CLEC2A: variants seen among roughly 807,000 people sequenced by gnomAD.
CLEC2A encodes keratinocyte-associated C-type lectin.
Under a neutral mutation model 18.6 loss-of-function variants are expected in CLEC2A, and 19 were observed. The observed-to-expected ratio is 1.02, with a 90% CI of 0.71 to 1.50. CLEC2A has a LOEUF of 1.50. Among genes scored for constraint, CLEC2A ranks in the 40% most tolerant of loss-of-function variants. CLEC2A has a pLI of 0.00. For synonymous variants in CLEC2A, 74 were observed against 64.0 expected (o/e 1.16, Z -0.75); for missense variants, 190 against 207.9 (o/e 0.91, Z 0.53).
chr12:9,921,378 C>T (rs1863170295), intron 3 of CLEC2A, among the ~76,000 whole-genome samples: 1 of 152,074 alleles, frequency 6.6e-6, no homozygotes, highest in Non-Finnish European at 1.5e-5. Context: ...TGCTTGATCT[C>T]AGTTTGAGAC....
intron 2 of CLEC2A, among the ~76,000 whole-genome samples, chr12:9,924,106 T>TA (rs1375468844): frequency 2.0e-5 from 3 of 151,858 alleles, no homozygotes; most frequent in Non-Finnish European, 2.9e-5. Flanking sequence ...CCCTAGAACT[T>TA]AAAGTATAAT....
At chr12:9,925,668 T>C (rs1863257888) in intron 2 of CLEC2A, among the ~76,000 whole-genome samples, 1 of 151,984 alleles carries the variant, frequency 6.6e-6, no homozygotes, top group Non-Finnish European at 1.5e-5. Flanking sequence ...TTTTTTTTTA[T>C]AAATATAGAA....
intron 1 of CLEC2A, among the ~76,000 whole-genome samples, chr12:9,927,867 C>A (rs1863302383): frequency 6.7e-6 from 1 of 148,636 alleles, no homozygotes; most frequent in Non-Finnish European, 1.5e-5. Flanking sequence ...AAATGAAGAA[C>A]AAGGAAGAAG....
downstream of CLEC2A, among the ~76,000 whole-genome samples, chr12:9,912,101 G>C (rs576023639): frequency 6.6e-6 from 1 of 152,256 alleles, no homozygotes; most frequent in South Asian, 2.1e-4. Flanking sequence ...AAAATGTAAA[G>C]GTTAACTGCT....
chr12:9,881,763 A>G, the CLEC2A span: 1 of 853,696 alleles, frequency 1.2e-6, no homozygotes, highest in Non-Finnish European at 1.8e-6. Context: ...CATTGATCAT[A>G]ATAAGGAATA....
At chr12:9,915,127 A>C (rs1327609610) in intron 4 of CLEC2A, among the ~76,000 whole-genome samples, 1 of 152,216 alleles carries the variant, frequency 6.6e-6, no homozygotes, top group Non-Finnish European at 1.5e-5. Flanking sequence ...ATCTTTAGAG[A>C]AATGCAAATC....
chr12:9,920,193 T>C (rs1285596092), intron 3 of CLEC2A, among the ~76,000 whole-genome samples: 1 of 152,214 alleles, frequency 6.6e-6, no homozygotes, highest in Non-Finnish European at 1.5e-5. Flanking sequence ...AGAATGTCGC[T>C]GCTCAGCCTC....
chr12:9,891,877 G>T, the CLEC2A span, among the ~76,000 whole-genome samples: 2 of 151,836 alleles, frequency 1.3e-5, no homozygotes, highest in Admixed American at 6.6e-5. Context: ...TAAAATTTTA[G>T]GGTCATAGTT....
chr12:9,932,195 A>T, intron 1 of CLEC2A, 80 bp downstream of exon 1: 1 of 1,024,720 alleles, frequency 9.8e-7, no homozygotes, highest in Non-Finnish European at 1.5e-6. Context: ...ACAGTAAGTA[A>T]AGAGTCCATA....
At chr12:9,887,952 A>C in the CLEC2A span, among the ~76,000 whole-genome samples, 1 of 151,218 alleles carries the variant, frequency 6.6e-6, no homozygotes, top group Admixed American at 6.6e-5. Flanking sequence ...ACTACTTGGG[A>C]AGCTGAGGCA....
intron 2 of CLEC2A, 24 bp from the exon 3 acceptor site, chr12:9,922,256 T>A: frequency 6.6e-7 from 1 of 1,508,814 alleles, no homozygotes; most frequent in Non-Finnish European, 8.9e-7. Context: ...AAAGAAATGA[T>A]CAGATAAAGC....
At chr12:9,884,739 T>G in the CLEC2A span, among the ~76,000 whole-genome samples, 1 of 151,258 alleles carries the variant, frequency 6.6e-6, no homozygotes, top group South Asian at 2.1e-4. Context: ...TCTATGTCAG[T>G]ACAATCCAAA....
downstream of CLEC2A, among the ~76,000 whole-genome samples, chr12:9,910,717 T>C (rs1278970457): frequency 2.0e-5 from 3 of 149,288 alleles, no homozygotes; most frequent in African/African-American, 7.7e-5. Flanking sequence ...AGTTACCTGG[T>C]TGCCGTGGTA....
the CLEC2A span, among the ~76,000 whole-genome samples, chr12:9,891,482 C>G: frequency 5.9e-5 from 9 of 152,122 alleles, no homozygotes; most frequent in African/African-American, 2.2e-4. Context: ...ACTTCATTGA[C>G]CAGTCTGTCA....
chr12:9,918,117 C>T (rs1299220995), intron 3 of CLEC2A, among the ~76,000 whole-genome samples: 1 of 151,976 alleles, frequency 6.6e-6, no homozygotes. Context: ...TAATATTTGT[C>T]AATTTTTGCA....
downstream of CLEC2A, chr12:9,895,931 C>G: frequency 5.1e-6 from 6 of 1,168,016 alleles, no homozygotes; most frequent in Non-Finnish European, 6.8e-6. Context: ...AAAGTTTCTG[C>G]TAACAGACAT....
intron 1 of CLEC2A, among the ~76,000 whole-genome samples, chr12:9,927,040 T>G (rs1431160576): frequency 1.4e-5 from 2 of 145,442 alleles, no homozygotes; most frequent in Non-Finnish European, 3.0e-5. Flanking sequence ...TGTGTGTGTC[T>G]GTGTGTGTGT....
intron 4 of CLEC2A, among the ~76,000 whole-genome samples, chr12:9,906,355 G>A (rs941971349): frequency 6.6e-6 from 1 of 152,196 alleles, no homozygotes; most frequent in Non-Finnish European, 1.5e-5. Flanking sequence ...CAGCCTGTTT[G>A]GCTACCTGAT....
chr12:9,900,102 G>T (rs59788498), intron 4 of CLEC2A, among the ~76,000 whole-genome samples: 13,936 of 152,234 alleles, frequency 0.092, 950 homozygotes, highest in East Asian at 0.33. Context: ...GGTGCATGCT[G>T]CTTGGCTTTG....
Sources: gnomAD v4.1 joint callset for allele counts (sites outside exome capture counted in the v4.1 genomes callset) on GRCh38, gnomAD v4.1.1 for gene constraint, MANE v1.5 for transcripts, NCBI Gene and HGNC (gene_info 2026-07-23, HGNC 2026-07-21) for gene names.